The following MTMR2 variants were observed in gnomAD, a reference collection of about 807,000 sequenced individuals.
The protein encoded by MTMR2 is myotubularin related protein 2, also known as phosphatidylinositol-3,5-bisphosphate 3-phosphatase MTMR2.
Under a neutral mutation model 86.9 loss-of-function variants are expected in MTMR2, and 55 were observed. That is an observed-to-expected ratio of 0.63 (90% CI 0.51 to 0.79). The LOEUF is 0.79. Ranked by LOEUF, MTMR2 falls within the 30% of genes least tolerant of loss-of-function variation. The pLI, the probability that MTMR2 is intolerant of heterozygous loss-of-function variation, is 0.00. For synonymous variants in MTMR2, 241 were observed against 266.8 expected, an observed-to-expected ratio of 0.90 and a Z score of 0.94; for missense variants, 659 against 772.3, an observed-to-expected ratio of 0.85 and a Z score of 1.74.
intron 1 of MTMR2, among the ~76,000 whole-genome samples, chr11:95,919,102 T>G (rs966916414): frequency 6.6e-6 from 1 of 152,174 alleles, no homozygotes; most frequent in African/African-American, 2.4e-5. Flanking sequence ...CCTCCTAAAC[T>G]GCTAGGATTA....
chr11:95,898,741 G>A (rs907572677), intron 1 of MTMR2, among the ~76,000 whole-genome samples: 7 of 152,126 alleles, frequency 4.6e-5, no homozygotes, highest in African/African-American at 1.7e-4. Context: ...TAACAATGCT[G>A]TATATGAAAA....
At chr11:95,882,470 A>T (rs1164522133) in intron 2 of MTMR2, 1 of 151,894 alleles carries the variant, frequency 6.6e-6, no homozygotes, top group African/African-American at 2.4e-5. Flanking sequence ...AATGCACTCC[A>T]GCCTAGGGGA....
chr11:95,888,708 T>TAC (rs755924856), intron 1 of MTMR2, among the ~76,000 whole-genome samples: 19 of 145,908 alleles, frequency 1.3e-4, no homozygotes, highest in Admixed American at 1.2e-3. Context: ...TAGAAACACA[T>TAC]ACACACACAC....
At chr11:95,880,829 ATCTT>A (rs1466492213) in intron 2 of MTMR2, among the ~76,000 whole-genome samples, 10 of 152,112 alleles carry the variant, frequency 6.6e-5, no homozygotes, top group African/African-American at 2.4e-4. Context: ...TTGGGTACTA[ATCTT>A]TTATCAGTTA....
chr11:95,906,292 A>T (rs1866272697), intron 1 of MTMR2, among the ~76,000 whole-genome samples: 1 of 152,188 alleles, frequency 6.6e-6, no homozygotes, highest in African/African-American at 2.4e-5. Flanking sequence ...GAAGGGCATT[A>T]TATTATTATA....
chr11:95,916,275 G>T (rs77200408), intron 1 of MTMR2, among the ~76,000 whole-genome samples: 1 of 152,030 alleles, frequency 6.6e-6, no homozygotes, highest in Non-Finnish European at 1.5e-5. Context: ...CAGCACAAAG[G>T]CCTCACAGAT....
At chr11:95,914,219 T>G (rs2135623599) in intron 1 of MTMR2, 1 of 985,196 alleles carries the variant, frequency 1.0e-6, no homozygotes, top group African/African-American at 1.7e-5. Flanking sequence ...CATTTTTATA[T>G]CTGCATTTTC....
At chr11:95,859,548 C>T (rs1164438975) in intron 5 of MTMR2, among the ~76,000 whole-genome samples, 1 of 152,084 alleles carries the variant, frequency 6.6e-6, no homozygotes, top group Non-Finnish European at 1.5e-5. Flanking sequence ...GTAGACTTTT[C>T]CTATGTTCTT....
In MTMR2 at chr11:95,849,833, T is replaced by A. The variant is rs749574997; in HGVS notation, c.834A>T (p.Gln278His). ...GCTGGCTACACCGAGTGATTGTGGC[T>A]TGACTTTCAGGATGAATCCATGATA... ...PVLSWIHPES[Q>H]ATITRCSQPM... Residue 278 changes from glutamine to histidine, a missense_variant, in exon 9 of 15, where the codon CAA (glutamine) becomes CAT (histidine). Physicochemically the swap from Gln to His is conservative, Grantham distance 24 (BLOSUM62 0). Around this residue, in one of 3 missense-constraint regions of MTMR2, gnomAD observed 387 missense variants for 526.3 expected, o/e 0.74. Coordinates refer to ENST00000346299, the MANE Select transcript of MTMR2 (RefSeq NM_016156.6). 6.2e-7 allele frequency: 1 copy of A among 1,614,148 alleles called. No homozygotes were observed. The highest frequency in any genetic ancestry group is 1.1e-5 in the South Asian group (1 of 91,088).
intron 7 of MTMR2, 45 bp downstream of exon 7, chr11:95,857,507 A>G: frequency 1.4e-6 from 2 of 1,411,648 alleles, no homozygotes; most frequent in Non-Finnish European, 2.0e-6. Context: ...CTTTGGAATG[A>G]AAAGAATACA....
chr11:95,841,859 G>A (rs113173012), intron 11 of MTMR2, 150 bp from the exon 12 acceptor site: 2 of 692,468 alleles, frequency 2.9e-6, no homozygotes, highest in Admixed American at 2.1e-5. Context: ...ACTTTGGGAG[G>A]CTGTGGTGGA....
At chr11:95,915,040 T>C (rs1446337220) in intron 1 of MTMR2, among the ~76,000 whole-genome samples, 1 of 152,212 alleles carries the variant, frequency 6.6e-6, no homozygotes, top group Non-Finnish European at 1.5e-5. Flanking sequence ...AACATTATTA[T>C]TACTATAACT....
Position 95,838,181 on chromosome 11 carries a change from C to G in MTMR2, c.1506G>C (p.Glu502Asp). Residue 502 changes from glutamate (E) to aspartate (D), a missense_variant, in exon 13 of 15, where the codon GAG becomes GAC. By Grantham distance (45) the Glu-to-Asp change is conservative. This residue lies in a region of MTMR2 where 193 missense variants were observed against 191.6 expected (regional missense o/e 1.01). Transcript: ENST00000346299. ...GGTCCAAAATGGTAATGAGAAAATA[C>G]TCATTGAATTCAAATGCGGTAGGAA... ...RQFPTAFEFN[E>D]YFLITILDHL... 1.2e-6 allele frequency: 2 copies of G among 1,607,778 alleles called. No individual in the cohort carries two copies. Among genetic ancestry groups the G allele is most frequent in the East Asian group, 2.2e-5 (1 of 44,796 alleles).
Position 95,902,077 on chromosome 11 carries a change from G to C in MTMR2, c.81-13816C>G, listed in dbSNP as rs41496451. Among the ~76,000 whole-genome samples, 1,077 of 152,192 alleles carry C rather than the reference G, an allele frequency of 7.1e-3. 18 individuals carry two copies. The highest frequency in any genetic ancestry group is 0.025 in the African/African-American group (1,026 of 41,522). On this transcript the variant is annotated intron_variant, in intron 1 of 14. Transcript: ENST00000346299. The stretch of plus-strand genomic sequence containing the variant: ...ATCTCATAGAATCTTACTGTTCCTT[G>C]ACTCCTCATCCACAAAGACTGCTTC...
At chr11:95,851,519 T>C (rs1306364181) in intron 7 of MTMR2, among the ~76,000 whole-genome samples, 1 of 152,142 alleles carries the variant, frequency 6.6e-6, no homozygotes, top group African/African-American at 2.4e-5. Context: ...TGCGCCACCA[T>C]GCCCGGCTAA....
intron 1 of MTMR2, among the ~76,000 whole-genome samples, chr11:95,901,964 AT>A (rs1405659191): frequency 6.6e-6 from 1 of 152,208 alleles, no homozygotes; most frequent in East Asian, 1.9e-4. Context: ...TGGTAATCTA[AT>A]CCCCCACTTA....
chr11:95,914,730 G>A (rs1040144573), intron 1 of MTMR2, among the ~76,000 whole-genome samples: 3 of 151,988 alleles, frequency 2.0e-5, no homozygotes, highest in African/African-American at 7.2e-5. Flanking sequence ...CAATCAACCT[G>A]CCCTGGGACT....
rs1864438212 is a variant in MTMR2, at chr11:95,862,034, A to G, written c.426T>C (p.Ser142=). The G allele has an allele frequency of 6.2e-7, 1 of 1,613,818 alleles. No individual in the cohort carries two copies. Among genetic ancestry groups the G allele is most frequent in the Admixed American group, 1.7e-5 (1 of 60,006 alleles). ...GTCCATAAGAATTTTCACCTCGACTAGAAGCACCACCAATTTTTTCTACTC... is the reference window on the plus strand; with the variant it reads ...GTCCATAAGAATTTTCACCTCGACTGGAAGCACCACCAATTTTTTCTACTC... ...INRVEKIGGA[S]SRGENSYGLE... Residue 142 remains serine, a synonymous_variant, in exon 5 of 15, where the codon TCT becomes TCC. Transcript: ENST00000346299.
intron 12 of MTMR2, among the ~76,000 whole-genome samples, chr11:95,838,785 A>T (rs905350133): frequency 3.3e-5 from 5 of 152,072 alleles, no homozygotes; most frequent in Admixed American, 2.6e-4. Flanking sequence ...CTATTTTGGC[A>T]GCATCTAACA....
Sources: gnomAD v4.1 joint callset for allele counts (sites outside exome capture counted in the v4.1 genomes callset) on GRCh38, gnomAD v4.1.1 for gene constraint, gnomAD v4.1.1 regional missense constraint, MANE v1.5 for transcripts, NCBI Gene and HGNC (gene_info 2026-07-23, HGNC 2026-07-21) for gene names.